Variants in CAMK1D observed in about 807,000 individuals in gnomAD.
The protein encoded by CAMK1D is calcium/calmodulin-dependent protein kinase type 1D.
A neutral mutation model predicts 47.7 loss-of-function variants in CAMK1D; 9 were observed. That is an observed-to-expected ratio of 0.19 (90% CI 0.11 to 0.33). The LOEUF (loss-of-function observed/expected upper bound fraction) is 0.33, where lower values mean the gene tolerates loss of function less well. CAMK1D is among the 10% of genes least tolerant of loss of function. The probability of loss-of-function intolerance (pLI) is 1.00; values close to 1 mark genes in which losing one functional copy is unlikely to be tolerated. For synonymous variants in CAMK1D, 184 were observed against 184.9 expected (o/e 0.99, Z 0.04); for missense variants, 291 against 488.7 (o/e 0.60, Z 3.81).
chr10:12,652,564 G>A (rs961238346), intron 2 of CAMK1D, among the ~76,000 whole-genome samples: 6 of 152,016 alleles, frequency 3.9e-5, no homozygotes, highest in African/African-American at 1.4e-4. Context: ...CTCCAGCCTG[G>A]GCGACAGAGC....
chr10:12,413,261 C>T (rs778412549), intron 1 of CAMK1D, among the ~76,000 whole-genome samples: 10 of 151,986 alleles, frequency 6.6e-5, no homozygotes, highest in Admixed American at 6.6e-4. Context: ...GAGAGCGAGG[C>T]GGGAAGGGGA....
At position 12,553,523 on chromosome 10, in the gene CAMK1D, C is replaced by T. The variant is rs540218669; in HGVS notation, c.224+167C>T. ...CAAAGCACTTTTCCCATAGACCTCT[C>T]GTGTCTTAGAACATTCACGGCCATG... On this transcript the variant is annotated intron_variant, in intron 2 of 10. Transcript: ENST00000619168. 8.5e-5 allele frequency among the ~76,000 whole-genome samples: 13 copies of T among 152,288 alleles called. No individual in the cohort carries two copies. The South Asian group carries it at 1.7e-3, about 19-fold the overall frequency.
At chr10:12,511,840 T>C (rs540506444) in intron 1 of CAMK1D, among the ~76,000 whole-genome samples, 14 of 152,342 alleles carry the variant, frequency 9.2e-5, no homozygotes, top group African/African-American at 3.4e-4. Flanking sequence ...TGACGATGAA[T>C]GTATAACCTC....
intron 1 of CAMK1D, among the ~76,000 whole-genome samples, chr10:12,378,970 C>G (rs781579025): frequency 6.6e-6 from 1 of 151,944 alleles, no homozygotes; most frequent in East Asian, 1.9e-4. Flanking sequence ...CCAGCATGCC[C>G]GGCTAATTTT....
At chr10:12,786,309 T>C (rs941870746) in intron 5 of CAMK1D, among the ~76,000 whole-genome samples, 4 of 152,168 alleles carry the variant, frequency 2.6e-5, no homozygotes, top group African/African-American at 9.6e-5. Context: ...AGAAGACAAA[T>C]AGTTTACCCA....
At chr10:12,827,283 TTTTC>T (rs199653739) in intron 10 of CAMK1D, among the ~76,000 whole-genome samples, 80 of 134,078 alleles carry the variant, frequency 6.0e-4, no homozygotes, top group Middle Eastern at 3.8e-3. Flanking sequence ...TTTCTTTTCT[TTTTC>T]TTTCTTTCTT....
chr10:12,580,491 G>A (rs535123407), intron 2 of CAMK1D, among the ~76,000 whole-genome samples: 1 of 152,158 alleles, frequency 6.6e-6, no homozygotes, highest in Non-Finnish European at 1.5e-5. Context: ...TGAGAACTTG[G>A]TTTCCGATGA....
intron 1 of CAMK1D, among the ~76,000 whole-genome samples, chr10:12,388,721 T>A (rs902927638): frequency 6.3e-4 from 96 of 152,172 alleles, no homozygotes; most frequent in African/African-American, 2.2e-3. Context: ...CAAAGACAGC[T>A]CCGTCATTAC....
At chr10:12,616,103 CGTGTGTGTATGTGG>C (rs1226587240) in intron 2 of CAMK1D, among the ~76,000 whole-genome samples, 1 of 148,930 alleles carries the variant, frequency 6.7e-6, no homozygotes, top group Admixed American at 6.7e-5. Flanking sequence ...TAGGTGTGAG[CGTGTGTGTATGTGG>C]GTGTGTATAT....
chr10:12,507,235 G>A (rs1383650606), intron 1 of CAMK1D, among the ~76,000 whole-genome samples: 1 of 152,174 alleles, frequency 6.6e-6, no homozygotes, highest in Non-Finnish European at 1.5e-5. Context: ...GCTAATACAC[G>A]GAGTGGAGAA....
At chr10:12,548,754 C>T (rs568381114) in intron 1 of CAMK1D, among the ~76,000 whole-genome samples, 11 of 152,046 alleles carry the variant, frequency 7.2e-5, no homozygotes, top group Non-Finnish European at 1.5e-4. Context: ...CATGAGCCAC[C>T]GCGCCCGGCC....
intron 3 of CAMK1D, among the ~76,000 whole-genome samples, chr10:12,718,403 A>C (rs1029245435): frequency 6.6e-6 from 1 of 152,172 alleles, no homozygotes; most frequent in Non-Finnish European, 1.5e-5. Context: ...TTTCTCGTCA[A>C]CTCTGGTGTA....
intron 1 of CAMK1D, among the ~76,000 whole-genome samples, chr10:12,391,139 G>A (rs1300419792): frequency 6.6e-6 from 1 of 152,244 alleles, no homozygotes; most frequent in South Asian, 2.1e-4. Context: ...GGCCATGAAG[G>A]GTAGAGGGGA....
chr10:12,638,217 C>A (rs1414284307), intron 2 of CAMK1D, among the ~76,000 whole-genome samples: 2 of 152,188 alleles, frequency 1.3e-5, no homozygotes, highest in Admixed American at 1.3e-4. Flanking sequence ...CTGTTTGCCT[C>A]GTGTGCAGAA....
chr10:12,502,415 G>T (rs12572029), intron 1 of CAMK1D, among the ~76,000 whole-genome samples: 1 of 152,124 alleles, frequency 6.6e-6, no homozygotes, highest in Non-Finnish European at 1.5e-5. Flanking sequence ...GGGCGATGAG[G>T]CGTCTTGGCT....
At chr10:12,528,817 T>C (rs1047030383) in intron 1 of CAMK1D, among the ~76,000 whole-genome samples, 3 of 151,598 alleles carry the variant, frequency 2.0e-5, no homozygotes, top group Admixed American at 6.6e-5. Flanking sequence ...TCATGGCTCA[T>C]TGCAGCCTCA....
At chr10:12,439,651 GACTT>G (rs1354349923) in intron 1 of CAMK1D, among the ~76,000 whole-genome samples, 2 of 152,202 alleles carry the variant, frequency 1.3e-5, no homozygotes, top group African/African-American at 2.4e-5. Context: ...AGGGATCGAG[GACTT>G]ACTTGTTTGT....
intron 6 of CAMK1D, among the ~76,000 whole-genome samples, chr10:12,794,042 G>A (rs1356317861): frequency 1.3e-5 from 2 of 152,174 alleles, no homozygotes; most frequent in Non-Finnish European, 2.9e-5. Context: ...ATTTACGTTC[G>A]AGTATTATCC....
chr10:12,457,859 C>T (rs970703583), intron 1 of CAMK1D, among the ~76,000 whole-genome samples: 4 of 150,634 alleles, frequency 2.7e-5, no homozygotes. Context: ...TCAAGAAACA[C>T]TGGAAGGATA....
Sources: allele counts gnomAD v4.1 joint callset (sites outside exome capture counted in the v4.1 genomes callset), GRCh38; gene constraint gnomAD v4.1.1; transcripts MANE v1.5; gene names NCBI Gene and HGNC (gene_info 2026-07-23, HGNC 2026-07-21).